DPP10: variants seen among roughly 807,000 people sequenced by gnomAD.
The protein encoded by DPP10 is dipeptidyl peptidase like 10, also known as inactive dipeptidyl peptidase 10.
In DPP10, 33 loss-of-function variants were observed where a neutral mutation model predicts 120.9. The observed-to-expected ratio is 0.27, with a 90% CI of 0.21 to 0.37. The LOEUF (loss-of-function observed/expected upper bound fraction) is 0.37. DPP10 is among the 10% of genes least tolerant of loss of function. DPP10 has a pLI of 1.00. For missense variants in DPP10, 816 were observed against 942.8 expected (o/e 0.87, Z 1.76); for synonymous variants, 337 against 326.1 (o/e 1.03, Z -0.36).
intron 5 of DPP10, among the ~76,000 whole-genome samples, chr2:115,610,490 A>AGTGT (rs751694854): frequency 4.1e-3 from 129 of 31,212 alleles, no homozygotes; most frequent in African/African-American, 0.015. Context: ...AAGCAGTATG[A>AGTGT]GTGTGTGTGT....
intron 3 of DPP10, among the ~76,000 whole-genome samples, chr2:115,456,300 T>C (rs1256983351): frequency 6.6e-6 from 1 of 152,012 alleles, no homozygotes; most frequent in South Asian, 2.1e-4. Flanking sequence ...CAATAAAAAG[T>C]CAGGAAACAA....
At chr2:115,686,259 A>G (rs544731258) in intron 5 of DPP10, among the ~76,000 whole-genome samples, 1 of 152,180 alleles carries the variant, frequency 6.6e-6, no homozygotes, top group South Asian at 2.1e-4. Context: ...TAGTGCAAGA[A>G]TGCTGTGATG....
chr2:115,119,891 G>T (rs1484155182), intron 1 of DPP10, among the ~76,000 whole-genome samples: 2 of 152,194 alleles, frequency 1.3e-5, no homozygotes, highest in Admixed American at 6.5e-5. Flanking sequence ...AATCCCAGGA[G>T]AACCATTTCC....
chr2:114,474,297 A>G (rs1434414430), intron 1 of DPP10, among the ~76,000 whole-genome samples: 2 of 152,202 alleles, frequency 1.3e-5, no homozygotes, highest in Non-Finnish European at 2.9e-5. Context: ...AAAATCCTAT[A>G]CTAATGGTGT....
chr2:115,249,102 A>AT lies in DPP10; in HGVS notation c.61-60130dup, dbSNP rs111722008. On this transcript the variant is annotated intron_variant, in intron 1 of 25. Transcript: ENST00000410059. ...ATACCAAGTTGTTGTTTCTAAACTC[A>AT]TTTTTTTCAGAGAATAGATAGCTTT... Among the ~76,000 whole-genome samples, 85 of 152,176 alleles carry AT rather than the reference A, an allele frequency of 5.6e-4. 1 individual carries two copies. The highest frequency in any genetic ancestry group is 1.9e-3 in the African/African-American group (79 of 41,550).
intron 1 of DPP10, among the ~76,000 whole-genome samples, chr2:115,102,776 A>AC (rs376867737): frequency 6.7e-6 from 1 of 148,566 alleles, no homozygotes; most frequent in East Asian, 2.0e-4. Flanking sequence ...GAAAAAAAAA[A>AC]CTCCTTTTTG....
chr2:115,285,464 G>A (rs2060326205), intron 1 of DPP10, among the ~76,000 whole-genome samples: 1 of 152,000 alleles, frequency 6.6e-6, no homozygotes, highest in African/African-American at 2.4e-5. Context: ...TCCTTTCAGT[G>A]TATATTAACA....
chr2:114,971,324 G>C (rs1284934219), intron 1 of DPP10, among the ~76,000 whole-genome samples: 1 of 152,010 alleles, frequency 6.6e-6, no homozygotes, highest in Non-Finnish European at 1.5e-5. Flanking sequence ...TTTACCTCTT[G>C]TCTTGGCAAA....
At chr2:115,629,042 A>T (rs1009072200) in intron 5 of DPP10, among the ~76,000 whole-genome samples, 3 of 151,502 alleles carry the variant, frequency 2.0e-5, no homozygotes, top group African/African-American at 7.3e-5. Context: ...TTCAATTCCC[A>T]CCTATGAGTG....
At chr2:114,465,370 C>T (rs1679274304) in intron 1 of DPP10, among the ~76,000 whole-genome samples, 1 of 152,176 alleles carries the variant, frequency 6.6e-6, no homozygotes, top group African/African-American at 2.4e-5. Flanking sequence ...CAGTGGAACT[C>T]TTTACCTTGC....
At chr2:114,968,000 T>G (rs1699154474) in intron 1 of DPP10, among the ~76,000 whole-genome samples, 1 of 152,032 alleles carries the variant, frequency 6.6e-6, no homozygotes, top group African/African-American at 2.4e-5. Flanking sequence ...TGTAAAAATC[T>G]CTGCTCTTAC....
intron 1 of DPP10, among the ~76,000 whole-genome samples, chr2:114,481,027 GA>G (rs201790254): frequency 6.7e-5 from 10 of 148,452 alleles, no homozygotes; most frequent in East Asian, 5.9e-4. Context: ...GCAGTTAGGG[GA>G]AAAAAAAACA....
chr2:114,510,412 T>G (rs1217929669), intron 1 of DPP10, among the ~76,000 whole-genome samples: 1 of 152,156 alleles, frequency 6.6e-6, no homozygotes, highest in Non-Finnish European at 1.5e-5. Context: ...GAGCCCAGCC[T>G]GACCAACATG....
At chr2:114,497,303 G>A (rs539464410) in intron 1 of DPP10, among the ~76,000 whole-genome samples, 8 of 46,538 alleles carry the variant, frequency 1.7e-4, no homozygotes, top group Non-Finnish European at 2.9e-4. Flanking sequence ...ACATGTATAC[G>A]TGTATACATG....
intron 3 of DPP10, among the ~76,000 whole-genome samples, chr2:115,471,018 A>G (rs918447755): frequency 5.9e-5 from 9 of 152,166 alleles, no homozygotes; most frequent in African/African-American, 2.2e-4. Flanking sequence ...TGTTCTTGTA[A>G]GTGATAAATA....
At chr2:114,573,849 C>T (rs1254009058) in intron 1 of DPP10, among the ~76,000 whole-genome samples, 2 of 152,166 alleles carry the variant, frequency 1.3e-5, no homozygotes, top group Non-Finnish European at 2.9e-5. Flanking sequence ...GCTGTCTTTT[C>T]ATCAGGAGTC....
chr2:115,629,350 C>A (rs2085647147), intron 5 of DPP10, among the ~76,000 whole-genome samples: 1 of 151,956 alleles, frequency 6.6e-6, no homozygotes, highest in African/African-American at 2.4e-5. Context: ...ATGGCTGGGT[C>A]AAATGGTATT....
intron 1 of DPP10, among the ~76,000 whole-genome samples, chr2:114,811,771 A>G (rs1258484171): frequency 6.6e-6 from 1 of 152,024 alleles, no homozygotes; most frequent in East Asian, 1.9e-4. Context: ...GCTTCTTAAC[A>G]CTGGAGTTTA....
At chr2:115,627,259 G>T (rs2085438778) in intron 5 of DPP10, among the ~76,000 whole-genome samples, 1 of 152,074 alleles carries the variant, frequency 6.6e-6, no homozygotes, top group Non-Finnish European at 1.5e-5. Context: ...GTGTTATATG[G>T]ATGACAGAAT....
Sources: gnomAD v4.1 joint callset for allele counts (sites outside exome capture counted in the v4.1 genomes callset) on GRCh38, gnomAD v4.1.1 for gene constraint, MANE v1.5 for transcripts, NCBI Gene and HGNC (gene_info 2026-07-23, HGNC 2026-07-21) for gene names.